PDE1C: variants seen among roughly 807,000 people sequenced by gnomAD.
PDE1C encodes dual specificity calcium/calmodulin-dependent 3',5'-cyclic nucleotide phosphodiesterase 1C.
A neutral mutation model predicts 93.1 loss-of-function variants in PDE1C; 62 were observed. That is an observed-to-expected ratio of 0.67 (90% confidence interval 0.54 to 0.82). PDE1C has a LOEUF of 0.82. PDE1C is among the 40% of genes least tolerant of loss of function. The pLI, the probability that PDE1C is intolerant of heterozygous loss-of-function variation, is 0.00. For missense variants in PDE1C, 742 were observed against 884.6 expected (o/e 0.84, Z 2.04); for synonymous variants, 325 against 310.1 (o/e 1.05, Z -0.50).
At chr7:32,042,206 A>G (rs1307459518) in intron 2 of PDE1C, among the ~76,000 whole-genome samples, 2 of 152,220 alleles carry the variant, frequency 1.3e-5, no homozygotes, top group Non-Finnish European at 2.9e-5. Flanking sequence ...AAGCTGAGAC[A>G]GGAGAATCGC....
chr7:31,673,790 G>A, the PDE1C span, among the ~76,000 whole-genome samples: 2 of 151,796 alleles, frequency 1.3e-5, no homozygotes, highest in African/African-American at 4.8e-5. Context: ...TCCCTAGCAA[G>A]GGATTTTCCA....
chr7:32,147,984 T>TACA (rs1801002509), intron 3 of PDE1C, among the ~76,000 whole-genome samples: 2 of 79,730 alleles, frequency 2.5e-5, no homozygotes, highest in Non-Finnish European at 4.5e-5. Flanking sequence ...CCATTTATGC[T>TACA]AAAAAAAAAA....
intron 1 of PDE1C, among the ~76,000 whole-genome samples, chr7:32,393,317 G>C (rs1404768279): frequency 1.3e-5 from 2 of 152,104 alleles, no homozygotes; most frequent in African/African-American, 4.8e-5. Flanking sequence ...AAGTAAAGCT[G>C]TCTTCCTTCA....
the PDE1C span, among the ~76,000 whole-genome samples, chr7:31,737,979 T>C: frequency 6.6e-6 from 1 of 152,196 alleles, no homozygotes; most frequent in Non-Finnish European, 1.5e-5. Flanking sequence ...TAGATGCCCA[T>C]AGGGATTTGT....
At chr7:32,366,674 G>C (rs1463228385) in intron 1 of PDE1C, among the ~76,000 whole-genome samples, 1 of 152,130 alleles carries the variant, frequency 6.6e-6, no homozygotes, top group Non-Finnish European at 1.5e-5. Context: ...AGGAAAAAAA[G>C]TGTCAAGTCA....
the PDE1C span, among the ~76,000 whole-genome samples, chr7:31,683,036 C>G: frequency 1.3e-5 from 2 of 152,094 alleles, no homozygotes; most frequent in Admixed American, 6.5e-5. Flanking sequence ...GGAGAGATCT[C>G]TGTGGTGTTG....
At chr7:32,353,741 T>C (rs1783977024) in intron 1 of PDE1C, among the ~76,000 whole-genome samples, 1 of 151,660 alleles carries the variant, frequency 6.6e-6, no homozygotes, top group African/African-American at 2.4e-5. Context: ...TGAGAGGAAC[T>C]GGAGCTTGGA....
chr7:31,810,408 G>T (rs1005770307), intron 15 of PDE1C, among the ~76,000 whole-genome samples: 14 of 152,036 alleles, frequency 9.2e-5, no homozygotes, highest in Admixed American at 5.9e-4. Flanking sequence ...CTTTATTTGT[G>T]CCAGGCAGTA....
At chr7:32,067,297 G>T (rs564021249) in intron 1 of PDE1C, among the ~76,000 whole-genome samples, 1 of 152,128 alleles carries the variant, frequency 6.6e-6, no homozygotes, top group Non-Finnish European at 1.5e-5. Context: ...AGGCACTGGG[G>T]ATAAAAAGCA....
chr7:32,191,894 C>G (rs113411043), intron 2 of PDE1C, among the ~76,000 whole-genome samples: 1 of 152,090 alleles, frequency 6.6e-6, no homozygotes, highest in African/African-American at 2.4e-5. Context: ...TTTAGCTGTT[C>G]GGGTAGGTGT....
At chr7:32,124,881 TTAAAC>T (rs1419825483) in intron 3 of PDE1C, among the ~76,000 whole-genome samples, 6 of 152,152 alleles carry the variant, frequency 3.9e-5, no homozygotes, top group Non-Finnish European at 5.9e-5. Flanking sequence ...CGCAATCTAA[TTAAAC>T]TAAAGAGCTC....
intron 2 of PDE1C, among the ~76,000 whole-genome samples, chr7:32,009,130 T>C (rs1450759973): frequency 6.6e-6 from 1 of 152,166 alleles, no homozygotes; most frequent in African/African-American, 2.4e-5. Flanking sequence ...TTCAAAACAC[T>C]GGACATCAGG....
At chr7:31,640,241 G>A in the PDE1C span, among the ~76,000 whole-genome samples, 2 of 152,116 alleles carry the variant, frequency 1.3e-5, no homozygotes, top group East Asian at 3.9e-4. Context: ...TGGCTGGTGG[G>A]CACATTCCCT....
chr7:31,619,499 T>C, the PDE1C span, among the ~76,000 whole-genome samples: 1 of 151,966 alleles, frequency 6.6e-6, no homozygotes, highest in Middle Eastern at 3.2e-3. Context: ...ATCATAGCAT[T>C]TTGATAAGAA....
chr7:32,237,254 T>G (rs920493840), intron 1 of PDE1C, among the ~76,000 whole-genome samples: 1 of 149,164 alleles, frequency 6.7e-6, no homozygotes, highest in Non-Finnish European at 1.5e-5. Context: ...GCCCGGCTAA[T>G]TTTTTTGTAT....
the PDE1C span, among the ~76,000 whole-genome samples, chr7:31,732,638 CTGTGTGTGTGTGTGTGTGTGTGTG>C: frequency 6.9e-6 from 1 of 144,200 alleles, no homozygotes; most frequent in Non-Finnish European, 1.5e-5. Flanking sequence ...TCCTCTCTTT[CTGTGTGTGTGTGTGTGTGTGTGTG>C]TGTGTGTGTG....
intron 1 of PDE1C, among the ~76,000 whole-genome samples, chr7:32,398,084 C>T (rs566433898): frequency 5.5e-4 from 83 of 151,464 alleles, no homozygotes; most frequent in Non-Finnish European, 9.6e-4. Context: ...ACCCAGCAGG[C>T]GGAGCTTGCA....
At chr7:32,407,744 C>T (rs893877159) in intron 1 of PDE1C, among the ~76,000 whole-genome samples, 1 of 152,144 alleles carries the variant, frequency 6.6e-6, no homozygotes, top group African/African-American at 2.4e-5. Flanking sequence ...GTGTCTATTT[C>T]ATCGAAGCTT....
At chr7:32,358,591 ACT>A (rs1331856682) in intron 1 of PDE1C, among the ~76,000 whole-genome samples, 1 of 151,948 alleles carries the variant, frequency 6.6e-6, no homozygotes, top group Non-Finnish European at 1.5e-5. Context: ...TGCATGGATA[ACT>A]CTGCATCCCC....
Sources: gnomAD v4.1 joint callset for allele counts (sites outside exome capture counted in the v4.1 genomes callset) on GRCh38, gnomAD v4.1.1 for gene constraint, MANE v1.5 for transcripts, NCBI Gene and HGNC (gene_info 2026-07-23, HGNC 2026-07-21) for gene names.